Variants in TSC22D1 observed in about 807,000 individuals in gnomAD.
TSC22D1 encodes TSC22 domain family protein 1.
TSC22D1 carries 9 observed loss-of-function variants against 74.2 expected under a neutral mutation model. The observed-to-expected ratio is 0.12, with a 90% confidence interval of 0.07 to 0.21. The LOEUF (loss-of-function observed/expected upper bound fraction) is 0.21. Ranked by LOEUF, TSC22D1 falls within the 10% of genes least tolerant of loss-of-function variation. The pLI, the probability that TSC22D1 is intolerant of heterozygous loss-of-function variation, is 1.00. For synonymous variants in TSC22D1, 586 were observed against 492.5 expected (o/e 1.19, Z -2.51); for missense variants, 1,427 against 1,304.7 (o/e 1.09, Z -1.44).
In TSC22D1 at chr13:44,437,152, A is replaced by G. The variant is rs542675492; in HGVS notation, c.2913-1057T>C. 52 of 985,344 alleles carry G rather than the reference A, an allele frequency of 5.3e-5. No individual in the cohort carries two copies. The South Asian group carries it at 2.2e-3, about 42-fold the overall frequency. 61.0% of individuals were successfully genotyped at this position (985,344 alleles called of 1,614,324 possible). The stretch of plus-strand genomic sequence containing the variant: ...ATGTGAAGGGTCCCTGAAAAATACT[A>G]TGGGGGCCCCCACACGTGCTTACGT... On this transcript the variant is annotated intron_variant, in intron 1 of 2. Transcript: ENST00000458659.
intron 1 of TSC22D1, among the ~76,000 whole-genome samples, chr13:44,511,422 AG>A: frequency 1.3e-5 from 2 of 152,330 alleles, no homozygotes; most frequent in Non-Finnish European, 2.9e-5. Flanking sequence ...ATTTGGGAAA[AG>A]AAAGCTATGA....
chr13:44,433,609 CAGAAA>C lies in TSC22D1; in HGVS notation c.*1012_*1016del. The C allele has an allele frequency of 5.3e-6, 1 of 187,624 alleles. No homozygotes were observed. Among genetic ancestry groups the C allele is most frequent in the South Asian group, 1.4e-4 (1 of 7,118 alleles). The allele number at this position is 187,624 out of a possible 1,614,324, so 11.6% of individuals were successfully genotyped here. On this transcript the variant is annotated 3_prime_UTR_variant, in exon 3 of 3. Coordinates refer to ENST00000458659, the MANE Select transcript of TSC22D1 (RefSeq NM_183422.4). ...CTTACAATTGTGTAGAGAACATGCA[CAGAAA>C]CATATGCATATAACTACTATACAGG... is the stretch of plus-strand genomic sequence containing the variant.
At chr13:44,508,285 T>C (rs1879527714) in intron 1 of TSC22D1, among the ~76,000 whole-genome samples, 1 of 152,170 alleles carries the variant, frequency 6.6e-6, no homozygotes. Flanking sequence ...AGTAAATGTT[T>C]GAGATTCACA....
Position 44,573,493 on chromosome 13 carries a change from G to C in TSC22D1, c.2582C>G (p.Pro861Arg). The C allele has an allele frequency of 6.2e-7, 1 of 1,614,246 alleles. No homozygotes were observed. The highest frequency in any genetic ancestry group is 1.3e-5 in the African/African-American group (1 of 75,058). ...LVPPQNIAQT[P>R]ATQNGNLVQS... ...AACCAAATTACCATTTTGGGTAGCA[G>C]GGGTTTGTGCTATATTTTGTGGTGG... Residue 861 changes from proline to arginine, a missense_variant, in exon 1 of 3, where the codon CCT becomes CGT. Coordinates refer to ENST00000458659, the MANE Select transcript of TSC22D1 (RefSeq NM_183422.4).
At chr13:44,490,358 G>GTT (rs75742133) in intron 1 of TSC22D1, among the ~76,000 whole-genome samples, 19 of 135,982 alleles carry the variant, frequency 1.4e-4, no homozygotes, top group Non-Finnish European at 1.6e-4. Context: ...AGAATGCTAA[G>GTT]TTTTTTTTTT....
chr13:44,439,641 G>A (rs1263858412), intron 1 of TSC22D1, among the ~76,000 whole-genome samples: 1 of 152,172 alleles, frequency 6.6e-6, no homozygotes, highest in East Asian at 1.9e-4. Flanking sequence ...TCTATTTCAG[G>A]CACTGAGCAA....
At chr13:44,440,035 C>T (rs943050791) in intron 1 of TSC22D1, among the ~76,000 whole-genome samples, 10 of 152,166 alleles carry the variant, frequency 6.6e-5, no homozygotes, top group African/African-American at 1.9e-4. Context: ...AGGACTCCCA[C>T]GTCACCTCCA....
Position 44,575,808 on chromosome 13 carries a change from C to T in TSC22D1, c.267G>A (p.Ser89=), listed in dbSNP as rs78415084. 5.5e-3 allele frequency: 8,927 copies of T among 1,613,606 alleles called. 262 individuals carry two copies. In the African/African-American group the frequency reaches 0.075, roughly 14 times the overall value. ...PPPPQSLNLL[S]QAQLQAQPLA... ...GAGGCTGTGCCTGCAGCTGAGCCTG[C>T]GAAAGGAGGTTCAGGCTTTGTGGAG... The change falls in exon 1 of 3, where the codon TCG becomes TCA. Residue 89 remains serine (S), a synonymous_variant. Transcript: ENST00000458659.
chr13:44,571,186 T>TAC (rs1883738590), intron 1 of TSC22D1, among the ~76,000 whole-genome samples: 1 of 152,344 alleles, frequency 6.6e-6, no homozygotes, highest in East Asian at 1.9e-4. Flanking sequence ...TATAATTGAA[T>TAC]GTGTACAGTG....
At chr13:44,517,846 TA>T (rs1880106649) in intron 1 of TSC22D1, among the ~76,000 whole-genome samples, 1 of 29,024 alleles carries the variant, frequency 3.4e-5, no homozygotes, top group Non-Finnish European at 1.2e-4. Context: ...TATATATATA[TA>T]TATATATATA....
In TSC22D1 at chr13:44,434,897, A is replaced by G; in HGVS notation, c.2965-14T>C. On this transcript the variant is annotated splice_polypyrimidine_tract_variant and intron_variant, in intron 2 of 2. Transcript: ENST00000458659. ...TTTCACTAGATCCTGGAAAGAAGAC[A>G]GAAAAGGTTTAACTCATTATTTGGT... The G allele has an allele frequency of 6.2e-7, 1 of 1,603,440 alleles. No individual in the cohort carries two copies. The highest frequency in any genetic ancestry group is 1.3e-5 in the African/African-American group (1 of 74,560).
chr13:44,507,521 CT>C (rs1318284942), intron 1 of TSC22D1, among the ~76,000 whole-genome samples: 1 of 151,696 alleles, frequency 6.6e-6, no homozygotes, highest in Non-Finnish European at 1.5e-5. Context: ...TGCTAGCCCC[CT>C]ATAGCTAACA....
chr13:44,543,250 G>A (rs1881589973), intron 1 of TSC22D1, among the ~76,000 whole-genome samples: 1 of 152,064 alleles, frequency 6.6e-6, no homozygotes, highest in Non-Finnish European at 1.5e-5. Flanking sequence ...ATTATGAAAT[G>A]AGCATACACA....
intron 1 of TSC22D1, among the ~76,000 whole-genome samples, chr13:44,528,899 C>CCA (rs1434042821): frequency 5.9e-5 from 9 of 151,992 alleles, no homozygotes; most frequent in Non-Finnish European, 1.3e-4. Context: ...GGGCAAATTC[C>CCA]TTGAATAATC....
intron 1 of TSC22D1, among the ~76,000 whole-genome samples, chr13:44,505,256 C>G (rs966317314): frequency 2.6e-5 from 4 of 152,112 alleles, no homozygotes; most frequent in Non-Finnish European, 5.9e-5. Context: ...AGCAAGACCT[C>G]ATCTCCAAAA....
At chr13:44,514,709 A>G (rs1879896515) in intron 1 of TSC22D1, among the ~76,000 whole-genome samples, 1 of 152,076 alleles carries the variant, frequency 6.6e-6, no homozygotes, top group East Asian at 1.9e-4. Flanking sequence ...AAAATATAAA[A>G]ATTAGCTGGA....
chr13:44,570,328 C>G (rs1256608853), intron 1 of TSC22D1, among the ~76,000 whole-genome samples: 2 of 151,588 alleles, frequency 1.3e-5, no homozygotes, highest in Non-Finnish European at 2.9e-5. Flanking sequence ...GTAGCTGGAA[C>G]TACAGGCATG....
Position 44,474,128 on chromosome 13 carries a change from AC to A in TSC22D1, c.2913-38034del, listed in dbSNP as rs1877763035. Reference sequence around the variant, plus strand: ...CACCCTCCAAGCTGAGTATTTAGAAACCAACTGCTTTTCAAGGTACTAGGCA... The same window carrying A: ...CACCCTCCAAGCTGAGTATTTAGAAACAACTGCTTTTCAAGGTACTAGGCA... On this transcript the variant is annotated intron_variant, in intron 1 of 2. Transcript: ENST00000458659. 5 of 574,064 alleles carry A rather than the reference AC, an allele frequency of 8.7e-6. 1 individual carries two copies. The South Asian group carries it at 3.8e-4, about 43-fold the overall frequency. 35.6% of individuals were successfully genotyped at this position (574,064 alleles called of 1,614,324 possible).
At chr13:44,533,578 G>A (rs1427023987) in intron 1 of TSC22D1, among the ~76,000 whole-genome samples, 2 of 151,998 alleles carry the variant, frequency 1.3e-5, no homozygotes, top group East Asian at 3.9e-4. Context: ...GAGGTCAGGA[G>A]TTCAAGACCT....
Sources: allele counts gnomAD v4.1 joint callset (sites outside exome capture counted in the v4.1 genomes callset), GRCh38; gene constraint gnomAD v4.1.1; transcripts MANE v1.5; gene names NCBI Gene and HGNC (gene_info 2026-07-23, HGNC 2026-07-21).